The following GAPVD1 variants were observed in gnomAD, a reference collection of about 807,000 sequenced individuals.
GAPVD1 encodes the protein GTPase activating protein and VPS9 domains 1.
Under a neutral mutation model 155.5 loss-of-function variants are expected in GAPVD1, and 35 were observed. The observed-to-expected ratio is 0.23, with a 90% CI of 0.17 to 0.30. GAPVD1 has a LOEUF of 0.30. Ranked by LOEUF, GAPVD1 falls within the 10% of genes least tolerant of loss-of-function variation. The pLI is 1.00. For synonymous variants in GAPVD1, 636 were observed against 619.7 expected, an observed-to-expected ratio of 1.03 and a Z score of -0.39; for missense variants, 1,429 against 1,775.7, an observed-to-expected ratio of 0.80 and a Z score of 3.51.
chr9:125,360,792 C>T (rs567933507), intron 27 of GAPVD1, 67 bp downstream of exon 27: 3 of 1,154,912 alleles, frequency 2.6e-6, no homozygotes, highest in East Asian at 4.7e-5. Context: ...CAGGGCTTCA[C>T]ACAACCATAG....
rs1460816244 is a variant in GAPVD1 at position 125,354,685 on chromosome 9, C to T, written c.3601C>T (p.Arg1201Cys). ...AGCCCCATATATTGCTTATCTCACTCGTTGTCGACAAGGACTACAGACCAC... is the reference window on the plus strand; with the variant it reads ...AGCCCCATATATTGCTTATCTCACTTGTTGTCGACAAGGACTACAGACCAC... ...KRAPYIAYLT[R>C]CRQGLQTTQA... The change falls in exon 24 of 28, where the codon CGT (arginine) becomes TGT (cysteine). Residue 1201 changes from arginine (R) to cysteine (C), a missense_variant. Around this residue, in one of 4 missense-constraint regions of GAPVD1, gnomAD observed 699 missense variants for 826.0 expected, o/e 0.85. Transcript: ENST00000297933. The T allele has an allele frequency of 3.1e-6, 5 of 1,613,388 alleles. No individual in the cohort carries two copies. Among genetic ancestry groups the T allele is most frequent in the South Asian group, 2.2e-5 (2 of 91,048 alleles).
chr9:125,330,005 T>G (rs919917358), intron 12 of GAPVD1, 73 bp from the exon 13 acceptor site: 13 of 1,275,824 alleles, frequency 1.0e-5, no homozygotes, highest in Non-Finnish European at 1.4e-5. Flanking sequence ...AGCTAGTGTT[T>G]GGCTTTTCTC....
intron 20 of GAPVD1, among the ~76,000 whole-genome samples, chr9:125,348,655 G>A (rs116814089): frequency 0.012 from 1,818 of 152,186 alleles, 38 homozygotes; most frequent in African/African-American, 0.041. Context: ...TGGACCACAG[G>A]TGTGTGCCAC....
chr9:125,293,866 A>AAATATATTT (rs1554757134), intron 2 of GAPVD1, among the ~76,000 whole-genome samples: 3 of 17,546 alleles, frequency 1.7e-4, no homozygotes, highest in African/African-American at 1.3e-3. Context: ...ATATATATAT[A>AAATATATTT]TATATATATA....
intron 27 of GAPVD1, 152 bp from the exon 28 acceptor site, chr9:125,362,454 G>A: frequency 1.7e-6 from 1 of 599,216 alleles, no homozygotes; most frequent in Non-Finnish European, 2.9e-6. Flanking sequence ...GGAAACTAGG[G>A]TTCACAGATT....
At chr9:125,287,480 G>A (rs949617360) in intron 2 of GAPVD1, among the ~76,000 whole-genome samples, 1 of 152,162 alleles carries the variant, frequency 6.6e-6, no homozygotes, top group Non-Finnish European at 1.5e-5. Context: ...ACTCCAGCCA[G>A]CCTGGCGACA....
At chr9:125,283,578 G>C (rs2132231225) in intron 2 of GAPVD1, among the ~76,000 whole-genome samples, 1 of 152,108 alleles carries the variant, frequency 6.6e-6, no homozygotes, top group Admixed American at 6.6e-5. Context: ...GACCAGGCTG[G>C]TCCCAAACTC....
At position 125,297,798 on chromosome 9, in the gene GAPVD1, T is replaced by C. The variant is rs370096369; in HGVS notation, c.-32-1092T>C. 1.2e-4 allele frequency among the ~76,000 whole-genome samples: 18 copies of C among 152,246 alleles called. 1 individual carries two copies. In the South Asian group the frequency reaches 3.1e-3, roughly 26 times the overall value. On this transcript the variant is annotated intron_variant, in intron 3 of 27. Transcript: ENST00000297933. ...TCTCACTCTATTGCCCAGGCTGGAG[T>C]GCAGTGGCATGATCTCACCTCACTG...
chr9:125,338,820 AGG>A (rs1347180836), intron 17 of GAPVD1, among the ~76,000 whole-genome samples: 1 of 152,126 alleles, frequency 6.6e-6, no homozygotes, highest in African/African-American at 2.4e-5. Context: ...ATAAGTATTT[AGG>A]GGGAGAGGGT....
intron 15 of GAPVD1, 100 bp downstream of exon 15, chr9:125,332,729 C>A: frequency 2.1e-6 from 2 of 939,208 alleles, no homozygotes; most frequent in Non-Finnish European, 3.3e-6. Context: ...TGGTATAGCA[C>A]TTTGGGACAT....
intron 10 of GAPVD1, among the ~76,000 whole-genome samples, chr9:125,323,522 G>T (rs920820787): frequency 6.6e-6 from 1 of 152,170 alleles, no homozygotes; most frequent in Admixed American, 6.5e-5. Flanking sequence ...AGCCAGGATG[G>T]TCTCGATCTC....
At chr9:125,266,287 C>T (rs922420506) in intron 1 of GAPVD1, among the ~76,000 whole-genome samples, 9 of 150,780 alleles carry the variant, frequency 6.0e-5, no homozygotes, top group East Asian at 1.9e-4. Context: ...CCACTATGCC[C>T]GGCTAATTTT....
At chr9:125,293,885 T>TAG (rs1839351056) in intron 2 of GAPVD1, among the ~76,000 whole-genome samples, 2 of 23,214 alleles carry the variant, frequency 8.6e-5, no homozygotes, top group South Asian at 1.7e-3. Flanking sequence ...TATATATATA[T>TAG]ATATATATAT....
rs573982490 is a variant in GAPVD1, at chr9:125,293,955, C to A, written c.-149-1503C>A. On this transcript the variant is annotated intron_variant, in intron 2 of 27. Transcript: ENST00000297933. Reference sequence around the variant, plus strand: ...TTGAGATGGCGTCTCACTCTGTTGCCAGTCTGGAGTGCAGTGGTACAGTCT... The same window carrying A: ...TTGAGATGGCGTCTCACTCTGTTGCAAGTCTGGAGTGCAGTGGTACAGTCT... 1.0e-4 allele frequency among the ~76,000 whole-genome samples: 14 copies of A among 138,590 alleles called. No homozygotes were observed. In the East Asian group the frequency reaches 3.1e-3, roughly 31 times the overall value. The allele number at this position is 138,590 out of a possible 152,430, so 90.9% of individuals were successfully genotyped here.
chr9:125,348,101 G>C (rs1282662821), intron 20 of GAPVD1, among the ~76,000 whole-genome samples: 1 of 151,978 alleles, frequency 6.6e-6, no homozygotes, highest in Non-Finnish European at 1.5e-5. Context: ...ACCCAGGCTG[G>C]AGTGCAGTGG....
Position 125,362,782 on chromosome 9 carries a change from A to G in GAPVD1, c.*36A>G, listed in dbSNP as rs748525972. 1 of 1,600,900 alleles carries G rather than the reference A, an allele frequency of 6.2e-7. No homozygotes were observed. Among genetic ancestry groups the G allele is most frequent in the East Asian group, 2.2e-5 (1 of 44,660 alleles). ...GGCCCACCAAGGCAGCAGACTGTTA[A>G]TCAGACAAACAGATCTCTGAGAAGG... On this transcript the variant is annotated 3_prime_UTR_variant, in exon 28 of 28. Transcript: ENST00000297933.
Position 125,305,371 on chromosome 9 carries a change from G to GT in GAPVD1, c.1116+242dup, listed in dbSNP as rs34474690. On this transcript the variant is annotated intron_variant, in intron 6 of 27. Coordinates refer to ENST00000297933, the MANE Select transcript of GAPVD1 (RefSeq NM_001282680.3). ...TGTTAAGATTATTTTATTTTAAAAA[G>GT]TTTTTTTTTTTTTTTTTTTTGAGAT... Among the ~76,000 whole-genome samples the GT allele has an allele frequency of 6.8e-3, 754 of 111,536 alleles. 3 individuals carry two copies. Among genetic ancestry groups the GT allele is most frequent in the Non-Finnish European group, 8.4e-3 (469 of 55,944 alleles). The allele number at this position is 111,536 out of a possible 152,430, so 73.2% of individuals were successfully genotyped here.
chr9:125,348,253 C>T lies in GAPVD1; in HGVS notation c.3170-1137C>T, dbSNP rs570405454. Among the ~76,000 whole-genome samples the T allele has an allele frequency of 5.3e-5, 8 of 152,226 alleles. No individual in the cohort carries two copies. The South Asian group carries it at 8.3e-4, about 16-fold the overall frequency. ...GTATATTTTTGTAGAGATGGGGCTT[C>T]GCCATGTTGCCCAGGCTGGTCTCTC... On this transcript the variant is annotated intron_variant, in intron 20 of 27. Coordinates refer to ENST00000297933, the MANE Select transcript of GAPVD1 (RefSeq NM_001282680.3).
chr9:125,331,803 AC>A (rs1459520923), intron 13 of GAPVD1, 122 bp from the exon 14 acceptor site: 7 of 804,152 alleles, frequency 8.7e-6, no homozygotes, highest in Admixed American at 6.5e-5. Context: ...GTCCAGACTT[AC>A]ACATGTATTT....
Sources: gnomAD v4.1 joint callset for allele counts (sites outside exome capture counted in the v4.1 genomes callset) on GRCh38, gnomAD v4.1.1 for gene constraint, gnomAD v4.1.1 regional missense constraint, MANE v1.5 for transcripts, NCBI Gene and HGNC (gene_info 2026-07-23, HGNC 2026-07-21) for gene names.